The following RBFOX1 variants were observed in gnomAD, a reference collection of about 807,000 sequenced individuals.
RBFOX1 encodes the protein RNA binding fox-1 homolog 1, also known as RNA binding protein fox-1 homolog 1.
RBFOX1 carries 8 observed loss-of-function variants against 57.7 expected under a neutral mutation model. The ratio of observed to expected loss-of-function variants is 0.14; its 90% CI spans 0.08 to 0.25. The LOEUF (loss-of-function observed/expected upper bound fraction) is 0.25. RBFOX1 is among the 10% of genes least tolerant of loss of function. The pLI, the probability that RBFOX1 is intolerant of heterozygous loss-of-function variation, is 1.00. For synonymous variants in RBFOX1, 326 were observed against 222.4 expected (o/e 1.47, Z -4.15); for missense variants, 611 against 548.5 (o/e 1.11, Z -1.14).
chr16:7,690,833 C>G (rs1190019276), intron 14 of RBFOX1, among the ~76,000 whole-genome samples: 1 of 152,106 alleles, frequency 6.6e-6, no homozygotes, highest in Non-Finnish European at 1.5e-5. Flanking sequence ...AACAGCTGTA[C>G]ATAAAATGGC....
chr16:7,371,081 C>T lies in RBFOX1; in HGVS notation c.28-147066C>T, dbSNP rs545719103. ...TCTCCTCTAAGCACCTTTAGTTTTA[C>T]GCAGGTTTTCAGAAGCCTGTCTGAT... On this transcript the variant is annotated intron_variant, in intron 4 of 15. Transcript: ENST00000550418. 2.6e-4 allele frequency among the ~76,000 whole-genome samples: 39 copies of T among 152,252 alleles called. 1 individual carries two copies. In the South Asian group the frequency reaches 6.0e-3, roughly 23 times the overall value.
intron 4 of RBFOX1, among the ~76,000 whole-genome samples, chr16:5,931,047 C>T (rs950744774): frequency 6.6e-6 from 1 of 151,896 alleles, no homozygotes; most frequent in Non-Finnish European, 1.5e-5. Context: ...ACTTATTTGT[C>T]CAAGAGTAGT....
intron 4 of RBFOX1, among the ~76,000 whole-genome samples, chr16:7,209,601 C>T (rs549576901): frequency 6.4e-4 from 97 of 152,286 alleles, no homozygotes; most frequent in Admixed American, 3.1e-3. Context: ...AAAAATGGCT[C>T]CTCTTACCCA....
intron 14 of RBFOX1, among the ~76,000 whole-genome samples, chr16:7,688,308 C>G (rs2076563301): frequency 6.7e-6 from 1 of 150,088 alleles, no homozygotes; most frequent in Non-Finnish European, 1.5e-5. Flanking sequence ...GCATTGGATA[C>G]AAGAAGAATC....
intron 3 of RBFOX1, among the ~76,000 whole-genome samples, chr16:6,945,338 A>C (rs2079288951): frequency 6.6e-6 from 1 of 152,188 alleles, no homozygotes; most frequent in African/African-American, 2.4e-5. Flanking sequence ...CTAGGGCCAG[A>C]CAGTTAATGT....
intron 3 of RBFOX1, among the ~76,000 whole-genome samples, chr16:7,021,414 T>C (rs1371651416): frequency 2.7e-5 from 4 of 146,380 alleles, no homozygotes; most frequent in Admixed American, 1.4e-4. Context: ...TTTATGTATG[T>C]TTTTTATATA....
chr16:7,351,790 C>T (rs1033620714), intron 4 of RBFOX1, among the ~76,000 whole-genome samples: 2 of 152,164 alleles, frequency 1.3e-5, no homozygotes, highest in African/African-American at 2.4e-5. Flanking sequence ...ATTTTAGGAG[C>T]CACCTGTTTC....
At chr16:7,277,233 T>G (rs1049044099) in intron 4 of RBFOX1, among the ~76,000 whole-genome samples, 1 of 152,222 alleles carries the variant, frequency 6.6e-6, no homozygotes, top group Non-Finnish European at 1.5e-5. Flanking sequence ...AGGAATGGTT[T>G]CTGTTGGTTA....
chr16:6,877,934 CAG>C (rs1280346737), intron 3 of RBFOX1, among the ~76,000 whole-genome samples: 1 of 152,052 alleles, frequency 6.6e-6, no homozygotes, highest in South Asian at 2.1e-4. Context: ...AAAACATACA[CAG>C]AGTCTTGGAT....
intron 2 of RBFOX1, among the ~76,000 whole-genome samples, chr16:6,387,804 C>T (rs2092378356): frequency 1.3e-5 from 2 of 151,968 alleles, no homozygotes; most frequent in African/African-American, 2.4e-5. Context: ...TCATTCCTCC[C>T]CATTCTCAGA....
intron 2 of RBFOX1, among the ~76,000 whole-genome samples, chr16:6,549,542 AGGAGGAGGATG>A (rs2096953704): frequency 1.3e-5 from 1 of 77,218 alleles, no homozygotes; most frequent in East Asian, 4.3e-4. Flanking sequence ...GGAGGAGGGG[AGGAGGAGGATG>A]GGAGGAGGGG....
At chr16:7,381,600 T>C in intron 4 of RBFOX1, among the ~76,000 whole-genome samples, 1 of 152,206 alleles carries the variant, frequency 6.6e-6, no homozygotes, top group Non-Finnish European at 1.5e-5. Flanking sequence ...CCTGTTCTTT[T>C]TCAGTGTTAT....
At chr16:7,510,064 G>C (rs2074585559) in intron 4 of RBFOX1, 1 of 839,060 alleles carries the variant, frequency 1.2e-6, no homozygotes, top group Admixed American at 6.3e-5. Flanking sequence ...AGCTGTGATT[G>C]ATGGGCCAGG....
In RBFOX1 at chr16:5,947,402, C is replaced by T. The variant is rs776406005; in HGVS notation, c.351+80067C>T. ...TGTTTTGTTTTCAGACAGGGTCTTG[C>T]TCTCGCTCAGACTGGAGTGCATTGG... On this transcript the variant is annotated intron_variant, in intron 4 of 19. Transcript: ENST00000641259. The surrounding 1 kb of genome is among the most constrained non-coding windows in gnomAD (Gnocchi z 7.2). Among the ~76,000 whole-genome samples, 3 of 152,154 alleles carry T rather than the reference C, an allele frequency of 2.0e-5. No homozygotes were observed. Among genetic ancestry groups the T allele is most frequent in the Non-Finnish European group, 2.9e-5 (2 of 68,034 alleles).
chr16:6,539,076 G>T (rs1449605092), intron 2 of RBFOX1, among the ~76,000 whole-genome samples: 1 of 151,988 alleles, frequency 6.6e-6, no homozygotes, highest in African/African-American at 2.4e-5. Flanking sequence ...GTCTCTGCAA[G>T]GCTGACTCCT....
At chr16:6,716,993 A>C (rs1232387527) in intron 3 of RBFOX1, among the ~76,000 whole-genome samples, 1 of 152,144 alleles carries the variant, frequency 6.6e-6, no homozygotes, top group African/African-American at 2.4e-5. Flanking sequence ...TTATAAGAAG[A>C]GACAGAAGAG....
At chr16:6,863,425 A>C (rs9931947) in intron 3 of RBFOX1, among the ~76,000 whole-genome samples, 17,224 of 152,076 alleles carry the variant, frequency 0.11, 1,185 homozygotes, top group African/African-American at 0.19. Flanking sequence ...GAAAAGGCCC[A>C]TAATGGAAGG....
chr16:7,409,208 G>T (rs2098396259), intron 4 of RBFOX1, among the ~76,000 whole-genome samples: 1 of 152,192 alleles, frequency 6.6e-6, no homozygotes, highest in Non-Finnish European at 1.5e-5. Flanking sequence ...TCTGGAGAAT[G>T]AGAATCTCTC....
chr16:6,741,140 T>C (rs2071958497), intron 3 of RBFOX1, among the ~76,000 whole-genome samples: 1 of 152,132 alleles, frequency 6.6e-6, no homozygotes, highest in South Asian at 2.1e-4. Flanking sequence ...TTTACAACAA[T>C]GGTGCTGGAA....
Sources: allele counts gnomAD v4.1 joint callset (sites outside exome capture counted in the v4.1 genomes callset), GRCh38; gene constraint gnomAD v4.1.1; non-coding constraint Gnocchi (gnomAD v3.1); transcripts MANE v1.5; gene names NCBI Gene and HGNC (gene_info 2026-07-23, HGNC 2026-07-21).